Variants in NDUFB4 observed in about 807,000 individuals in gnomAD.
NDUFB4 encodes NADH:ubiquinone oxidoreductase subunit B4.
A neutral mutation model predicts 14.5 loss-of-function variants in NDUFB4; 10 were observed. The ratio of observed to expected loss-of-function variants is 0.69; its 90% CI spans 0.43 to 1.17. NDUFB4 has a LOEUF of 1.17. Ranked by LOEUF, NDUFB4 falls within the 50% of genes most tolerant of loss-of-function variation. NDUFB4 has a pLI of 0.00. For synonymous variants in NDUFB4, 65 were observed against 63.4 expected, an observed-to-expected ratio of 1.03 and a Z score of -0.12; for missense variants, 165 against 161.1, an observed-to-expected ratio of 1.02 and a Z score of -0.13.
At position 120,602,251 on chromosome 3, in the gene NDUFB4, C is replaced by CA; in HGVS notation, c.372dup (p.Phe125IlefsTer18). On this transcript the variant is annotated frameshift_variant, in exon 3 of 3. Coordinates refer to ENST00000184266, the MANE Select transcript of NDUFB4 (RefSeq NM_004547.6). LOFTEE classifies it high-confidence loss of function. Reference sequence around the variant, plus strand: ...ATCCAGGAAGGAAAATTGGATCGAACATTTCACCTCTCATATTAAGTCTGG... The same window carrying CA: ...ATCCAGGAAGGAAAATTGGATCGAACAATTTCACCTCTCATATTAAGTCTGG... 6.2e-7 allele frequency: 1 copy of CA among 1,610,364 alleles called. No homozygotes were observed. The highest frequency in any genetic ancestry group is 8.5e-7 in the Non-Finnish European group (1 of 1,179,052).
intron 1 of NDUFB4, among the ~76,000 whole-genome samples, chr3:120,596,865 G>C (rs1037085717): frequency 1.6e-4 from 24 of 151,352 alleles, no homozygotes; most frequent in African/African-American, 5.8e-4. Context: ...CAGGCTGTTA[G>C]GATTAAATGA....
At chr3:120,601,938 A>G (rs1333857151) in intron 2 of NDUFB4, 1 of 1,191,308 alleles carries the variant, frequency 8.4e-7, no homozygotes, top group Non-Finnish European at 1.0e-6. Flanking sequence ...ATATATTTCT[A>G]ATGACTAAAA....
At chr3:120,601,763 A>C (rs986863130) in intron 2 of NDUFB4, 11 of 1,014,630 alleles carry the variant, frequency 1.1e-5, no homozygotes, top group Non-Finnish European at 3.5e-6. Flanking sequence ...TTGTGTTGCC[A>C]CTGGAGCCCA....
rs1238631523 is a variant in NDUFB4 at position 120,602,299 on chromosome 3, T to G, written c.*29T>G. On this transcript the variant is annotated 3_prime_UTR_variant, in exon 3 of 3. Transcript: ENST00000184266. ...TGGCAATGATGACTATATGTATTCCTGCCTAAATAAATCATCTATTAATCA... is the reference window on the plus strand; with the variant it reads ...TGGCAATGATGACTATATGTATTCCGGCCTAAATAAATCATCTATTAATCA... The G allele has an allele frequency of 1.4e-5, 21 of 1,542,232 alleles. No individual in the cohort carries two copies. The highest frequency in any genetic ancestry group is 1.9e-5 in the Non-Finnish European group (21 of 1,128,738).
At chr3:120,599,239 G>A (rs1300292706) in intron 1 of NDUFB4, among the ~76,000 whole-genome samples, 1 of 152,130 alleles carries the variant, frequency 6.6e-6, no homozygotes, top group Non-Finnish European at 1.5e-5. Context: ...ATCAGTTTGG[G>A]ATATGTGACG....
At chr3:120,601,301 A>G (rs1559774008) in intron 2 of NDUFB4, 44 bp downstream of exon 2, 1 of 1,609,608 alleles carries the variant, frequency 6.2e-7, no homozygotes, top group Non-Finnish European at 8.5e-7. Context: ...TGATAGGTTC[A>G]CTTTCTAGGG....
rs139518079 is a variant in NDUFB4, at chr3:120,602,435, G to A, written c.*165G>A. On this transcript the variant is annotated 3_prime_UTR_variant, in exon 3 of 3. Transcript: ENST00000184266. The stretch of plus-strand genomic sequence containing the variant: ...CCCGTGTTGGGAATCTGCTGTCAGA[G>A]TGACAGCAAACATTTGCTGTACATT... 0.024 allele frequency: 14,370 copies of A among 608,298 alleles called. 192 individuals carry two copies. Among genetic ancestry groups the A allele is most frequent in the Middle Eastern group, 0.036 (78 of 2,192 alleles). 37.7% of individuals were successfully genotyped at this position (608,298 alleles called of 1,614,324 possible).
chr3:120,600,038 T>C (rs1940030365), intron 1 of NDUFB4, among the ~76,000 whole-genome samples: 2 of 150,890 alleles, frequency 1.3e-5, no homozygotes, highest in African/African-American at 2.4e-5. Context: ...ACTTTGTATC[T>C]AGTAGTGAGT....
At chr3:120,599,235 T>A (rs539281927) in intron 1 of NDUFB4, among the ~76,000 whole-genome samples, 1 of 151,966 alleles carries the variant, frequency 6.6e-6, no homozygotes. Context: ...GGAAATCAGT[T>A]TGGGATATGT....
chr3:120,602,369 T>A lies in NDUFB4; in HGVS notation c.*99T>A. On this transcript the variant is annotated 3_prime_UTR_variant, in exon 3 of 3. Transcript: ENST00000184266. Reference sequence around the variant, plus strand: ...TCTTAGTATTACCTTGATTCAATGTTAAAAACTATTAACACCCTAACAACA... The same window carrying A: ...TCTTAGTATTACCTTGATTCAATGTAAAAAACTATTAACACCCTAACAACA... 8.6e-7 allele frequency: 1 copy of A among 1,157,422 alleles called. No homozygotes were observed. The highest frequency in any genetic ancestry group is 1.2e-6 in the Non-Finnish European group (1 of 808,234). 71.7% of individuals were successfully genotyped at this position (1,157,422 alleles called of 1,614,324 possible). A position where few individuals can be genotyped will look rare whatever the true frequency, so the allele number is the denominator to read the frequency against.
intron 1 of NDUFB4, among the ~76,000 whole-genome samples, chr3:120,597,988 TTGATTAAATGAGTG>T (rs1939994705): frequency 1.3e-5 from 2 of 152,292 alleles, no homozygotes; most frequent in Middle Eastern, 6.8e-3. Context: ...TTTGGTTCTG[TTGATTAAATGAGTG>T]TGTGACACTA....
At chr3:120,601,713 T>A in intron 2 of NDUFB4, 1 of 1,028,076 alleles carries the variant, frequency 9.7e-7, no homozygotes. Context: ...ACCAAACCAT[T>A]CCACATCTGG....
In NDUFB4 at chr3:120,602,108, A is replaced by G. The variant is rs368622173; in HGVS notation, c.328-100A>G. The G allele has an allele frequency of 1.9e-4, 293 of 1,526,284 alleles. 2 individuals are homozygous for G. In the African/African-American group the frequency reaches 3.8e-3, roughly 20 times the overall value. 94.5% of individuals were successfully genotyped at this position (1,526,284 alleles called of 1,614,324 possible). On this transcript the variant is annotated intron_variant, in intron 2 of 2. Transcript: ENST00000184266. ...TCAGTTGTACGGTGGGTTGTGCCAA[A>G]ATGCAGTTTTTCTTACCTTTTTTAT...
intron 1 of NDUFB4, among the ~76,000 whole-genome samples, chr3:120,599,622 ACT>A (rs1404980483): frequency 3.3e-5 from 5 of 151,208 alleles, no homozygotes; most frequent in South Asian, 2.1e-4. Flanking sequence ...GAGGAGGAAA[ACT>A]CTCTTCATAG....
chr3:120,602,016 C>G (rs576709146), intron 2 of NDUFB4, 192 bp from the exon 3 acceptor site: 2 of 1,336,212 alleles, frequency 1.5e-6, no homozygotes, highest in African/African-American at 3.0e-5. Context: ...ATTACTGTTT[C>G]TTCGCACACT....
chr3:120,601,618 A>G, intron 2 of NDUFB4: 1 of 1,059,970 alleles, frequency 9.4e-7, no homozygotes, highest in Non-Finnish European at 1.1e-6. Context: ...CTACGGACAG[A>G]GAAGCACAAG....
At position 120,596,462 on chromosome 3, in the gene NDUFB4, G is replaced by T. The variant is rs759160499; in HGVS notation, c.103G>T (p.Glu35Ter). 1.1e-5 allele frequency: 18 copies of T among 1,613,946 alleles called. No individual in the cohort carries two copies. Among genetic ancestry groups the T allele is most frequent in the African/African-American group, 5.3e-5 (4 of 74,924 alleles). The change falls in exon 1 of 3, where the codon GAG becomes TAG. Residue 35 changes from glutamate (E) to a stop codon, truncating the protein, a stop_gained. Coordinates refer to ENST00000184266, the MANE Select transcript of NDUFB4 (RefSeq NM_004547.6). LOFTEE classifies it high-confidence loss of function. ...ISPETRRAQAERLAIRAQLKR... is the reference protein window; with the variant it reads ...ISPETRRAQA ...TCCGGAAACCCGGCGGGCGCAAGCC[G>T]AGCGGTTGGCCATAAGAGCCCAGCT... is the stretch of plus-strand genomic sequence containing the variant.
chr3:120,600,058 G>A (rs922443437), intron 1 of NDUFB4, among the ~76,000 whole-genome samples: 20 of 148,768 alleles, frequency 1.3e-4, no homozygotes, highest in Admixed American at 6.7e-4. Flanking sequence ...TGCTTACACC[G>A]TTGAGGAATT....
intron 2 of NDUFB4, 105 bp downstream of exon 2, chr3:120,601,362 T>C: frequency 1.3e-6 from 2 of 1,555,908 alleles, no homozygotes; most frequent in Non-Finnish European, 1.7e-6. Flanking sequence ...CCCTCCCACC[T>C]TGGGGCTGTC....
Sources: gnomAD v4.1 joint callset for allele counts (sites outside exome capture counted in the v4.1 genomes callset) on GRCh38, gnomAD v4.1.1 for gene constraint, MANE v1.5 for transcripts, NCBI Gene and HGNC (gene_info 2026-07-23, HGNC 2026-07-21) for gene names.